Variants in FHIT observed in about 807,000 individuals in gnomAD.
FHIT encodes fragile histidine triad diadenosine triphosphatase.
FHIT carries 19 observed loss-of-function variants against 17.9 expected under a neutral mutation model. The ratio of observed to expected loss-of-function variants is 1.06; its 90% CI spans 0.74 to 1.56. FHIT has a LOEUF of 1.56. FHIT is among the 40% of genes most tolerant of loss of function. FHIT has a pLI of 0.00. For missense variants in FHIT, 248 were observed against 189.2 expected, an observed-to-expected ratio of 1.31 and a Z score of -1.82; for synonymous variants, 81 against 69.7, an observed-to-expected ratio of 1.16 and a Z score of -0.81.
intron 3 of FHIT, among the ~76,000 whole-genome samples, chr3:60,904,796 C>T (rs1426777423): frequency 1.3e-5 from 2 of 151,734 alleles, no homozygotes; most frequent in Non-Finnish European, 2.9e-5. Flanking sequence ...AAAAATCAGC[C>T]AGGCACGGTG....
chr3:60,724,582 C>T (rs1408492163), intron 4 of FHIT, among the ~76,000 whole-genome samples: 1 of 151,816 alleles, frequency 6.6e-6, no homozygotes, highest in African/African-American at 2.4e-5. Context: ...CATTTACTTA[C>T]CAATGGCAGT....
At chr3:60,391,316 A>G (rs767923403) in intron 5 of FHIT, among the ~76,000 whole-genome samples, 9 of 152,342 alleles carry the variant, frequency 5.9e-5, no homozygotes, top group Non-Finnish European at 1.2e-4. Flanking sequence ...TCTTTTTTAG[A>G]GACAAGGTCT....
chr3:61,197,071 CGTT>C (rs953613716), intron 2 of FHIT, among the ~76,000 whole-genome samples: 2 of 152,062 alleles, frequency 1.3e-5, no homozygotes, highest in East Asian at 1.9e-4. Context: ...TTGCTGTTGT[CGTT>C]GTTGTTGTTG....
At chr3:60,723,726 A>G (rs1215576728) in intron 4 of FHIT, among the ~76,000 whole-genome samples, 1 of 152,206 alleles carries the variant, frequency 6.6e-6, no homozygotes, top group African/African-American at 2.4e-5. Context: ...TCAGAACCAG[A>G]AGATAACAAT....
At position 60,796,751 on chromosome 3, in the gene FHIT, T is replaced by C. The variant is rs188830838; in HGVS notation, c.-18+25168A>G. ...TGTGTGCCACCACACTCAACTAATGTTTGTATTTTTAGTAGAAACAACGTT... is the reference window on the plus strand; with the variant it reads ...TGTGTGCCACCACACTCAACTAATGCTTGTATTTTTAGTAGAAACAACGTT... On this transcript the variant is annotated intron_variant, in intron 4 of 9. Transcript: ENST00000492590. 2.6e-3 allele frequency among the ~76,000 whole-genome samples: 403 copies of C among 152,278 alleles called. 2 individuals carry two copies. Among genetic ancestry groups the C allele is most frequent in the Admixed American group, 7.1e-3 (109 of 15,282 alleles).
chr3:61,229,092 A>G (rs2040037958), intron 1 of FHIT, among the ~76,000 whole-genome samples: 1 of 152,178 alleles, frequency 6.6e-6, no homozygotes, highest in Non-Finnish European at 1.5e-5. Context: ...CACCCCTCCA[A>G]TATGTCTGTG....
intron 8 of FHIT, among the ~76,000 whole-genome samples, chr3:59,836,156 C>T (rs572555566): frequency 2.5e-4 from 32 of 129,686 alleles, no homozygotes; most frequent in Non-Finnish European, 4.9e-4. Context: ...GGAGGTACTA[C>T]TTAAATGGGA....
intron 5 of FHIT, among the ~76,000 whole-genome samples, chr3:60,459,164 T>C (rs2032304734): frequency 6.6e-6 from 1 of 152,150 alleles, no homozygotes; most frequent in South Asian, 2.1e-4. Context: ...TCAAAATCAC[T>C]TGGAGCTTTT....
intron 5 of FHIT, among the ~76,000 whole-genome samples, chr3:60,535,506 C>G (rs2035949351): frequency 1.3e-5 from 2 of 151,902 alleles, no homozygotes; most frequent in Non-Finnish European, 2.9e-5. Context: ...TCAAGAAATT[C>G]AGGTCTTTTA....
chr3:60,114,246 G>C (rs1704843451), intron 5 of FHIT, among the ~76,000 whole-genome samples: 1 of 150,004 alleles, frequency 6.7e-6, no homozygotes, highest in African/African-American at 2.4e-5. Context: ...TAATTAGCTT[G>C]ATCAAGTTTA....
chr3:61,040,131 C>T (rs1005372852), intron 3 of FHIT, among the ~76,000 whole-genome samples: 1 of 152,144 alleles, frequency 6.6e-6, no homozygotes, highest in Non-Finnish European at 1.5e-5. Flanking sequence ...CTTTAAATGT[C>T]CAAATTAAGC....
intron 4 of FHIT, among the ~76,000 whole-genome samples, chr3:60,586,473 C>T (rs1382884521): frequency 2.0e-5 from 3 of 152,022 alleles, no homozygotes; most frequent in African/African-American, 7.2e-5. Flanking sequence ...TCATTCAACC[C>T]AGAAATCCCC....
At chr3:60,244,021 T>C (rs1016166778) in intron 5 of FHIT, among the ~76,000 whole-genome samples, 4 of 152,080 alleles carry the variant, frequency 2.6e-5, no homozygotes, top group African/African-American at 9.7e-5. Context: ...ACCATTCTCC[T>C]TTACTTCTAC....
At chr3:60,583,477 G>T (rs1316559040) in intron 4 of FHIT, among the ~76,000 whole-genome samples, 4 of 152,052 alleles carry the variant, frequency 2.6e-5, no homozygotes, top group African/African-American at 9.7e-5. Flanking sequence ...CAGAGATGAT[G>T]TGAGGATATA....
At chr3:60,319,497 A>T (rs1231320333) in intron 5 of FHIT, among the ~76,000 whole-genome samples, 1 of 152,258 alleles carries the variant, frequency 6.6e-6, no homozygotes, top group South Asian at 2.1e-4. Context: ...CGGTATATAG[A>T]TTGGGATAAC....
At chr3:59,839,213 G>C (rs1406984414) in intron 8 of FHIT, among the ~76,000 whole-genome samples, 1 of 151,830 alleles carries the variant, frequency 6.6e-6, no homozygotes, top group East Asian at 1.9e-4. Context: ...ACCTACTCAG[G>C]AGGCTGAGAC....
chr3:60,204,462 T>G (rs563198997), intron 5 of FHIT, among the ~76,000 whole-genome samples: 10,748 of 147,606 alleles, frequency 0.073, 524 homozygotes, highest in Middle Eastern at 0.13. Flanking sequence ...TTTTTTGTTT[T>G]GTTTTTTTAG....
At chr3:59,868,814 G>A (rs1487188452) in intron 8 of FHIT, among the ~76,000 whole-genome samples, 1 of 152,150 alleles carries the variant, frequency 6.6e-6, no homozygotes, top group East Asian at 1.9e-4. Flanking sequence ...CTCAAGCTCA[G>A]TGAGCCCACA....
At position 61,243,365 on chromosome 3, in the gene FHIT, T is replaced by G. The variant is rs767400609; in HGVS notation, c.-213+7936A>C. On this transcript the variant is annotated intron_variant, in intron 1 of 9. Coordinates refer to ENST00000492590, the MANE Select transcript of FHIT (RefSeq NM_002012.4). ...TTTTCAGTGCCCCAGGAGCAGAACC[T>G]AAGAAAGTAGAGAAAGGATTGTTTT... is the stretch of plus-strand genomic sequence containing the variant. Among the ~76,000 whole-genome samples the G allele has an allele frequency of 2.7e-4, 41 of 152,182 alleles. 1 individual carries two copies. Among genetic ancestry groups the G allele is most frequent in the Non-Finnish European group, 4.7e-4 (32 of 68,032 alleles).
Sources: allele counts gnomAD v4.1 joint callset (sites outside exome capture counted in the v4.1 genomes callset), GRCh38; gene constraint gnomAD v4.1.1; transcripts MANE v1.5; gene names NCBI Gene and HGNC (gene_info 2026-07-23, HGNC 2026-07-21).